Variants in LPP observed in about 807,000 individuals in gnomAD.
LPP encodes the protein lipoma-preferred partner.
In LPP, 38 loss-of-function variants were observed where a neutral mutation model predicts 60.4. That is an observed-to-expected ratio of 0.63 (90% confidence interval 0.49 to 0.83). The LOEUF (loss-of-function observed/expected upper bound fraction) is 0.83. Ranked by LOEUF, LPP falls within the 40% of genes least tolerant of loss-of-function variation. The pLI, the probability that LPP is intolerant of heterozygous loss-of-function variation, is 0.00. For synonymous variants in LPP, 328 were observed against 290.8 expected (o/e 1.13, Z -1.30); for missense variants, 902 against 783.6 (o/e 1.15, Z -1.80).
At chr3:188,470,035 T>G (rs1482685816) in intron 4 of LPP, among the ~76,000 whole-genome samples, 1 of 152,136 alleles carries the variant, frequency 6.6e-6, no homozygotes, top group Non-Finnish European at 1.5e-5. Flanking sequence ...GTAAGTGCTG[T>G]TGCTCTCATT....
intron 4 of LPP, among the ~76,000 whole-genome samples, chr3:188,426,578 T>C (rs971250157): frequency 2.6e-5 from 4 of 152,176 alleles, no homozygotes; most frequent in African/African-American, 9.7e-5. Context: ...TATTATTATG[T>C]AGGAGTCTTA....
intron 1 of LPP, among the ~76,000 whole-genome samples, chr3:188,172,357 CTCA>C (rs1721825349): frequency 6.6e-6 from 1 of 152,112 alleles, no homozygotes; most frequent in African/African-American, 2.4e-5. Context: ...CCTCTGTTGC[CTCA>C]TCCATAAAAT....
At chr3:188,859,136 T>G (rs1325670014) in intron 9 of LPP, among the ~76,000 whole-genome samples, 1 of 150,572 alleles carries the variant, frequency 6.6e-6, no homozygotes, top group African/African-American at 2.4e-5. Flanking sequence ...TCTGGCAATA[T>G]TGAGTTCCCC....
At position 188,638,315 on chromosome 3, in the gene LPP, C is replaced by A. The variant is rs1271834055; in HGVS notation, c.1113+28471C>A. On this transcript the variant is annotated intron_variant, in intron 7 of 11. Transcript: ENST00000617246. ...AAAGGCCTTTGACAAAATTCAACAG[C>A]CCTTCATGCTAAAAACTCTCAATAA... Among the ~76,000 whole-genome samples, 228 of 145,952 alleles carry A rather than the reference C, an allele frequency of 1.6e-3. 1 individual carries two copies. Among genetic ancestry groups the A allele is most frequent in the Middle Eastern group, 3.7e-3 (1 of 268 alleles).
At chr3:188,195,781 C>T (rs1022577076) in intron 1 of LPP, among the ~76,000 whole-genome samples, 2 of 152,108 alleles carry the variant, frequency 1.3e-5, no homozygotes, top group Non-Finnish European at 2.9e-5. Flanking sequence ...CCTATGATTT[C>T]CTGCTTTTTA....
rs1320142368 is a variant in LPP at position 188,466,804 on chromosome 3, AACATATATATATATATATAT to A, written c.194-17786_194-17767del. Among the ~76,000 whole-genome samples, 261 of 72,952 alleles carry A rather than the reference AACATATATATATATATATAT, an allele frequency of 3.6e-3. 17 individuals are homozygous for A. Among genetic ancestry groups the A allele is most frequent in the African/African-American group, 0.011 (232 of 20,758 alleles). The allele number at this position is 72,952 out of a possible 152,430, so 47.9% of individuals were successfully genotyped here. On this transcript the variant is annotated intron_variant, in intron 4 of 11. Coordinates refer to ENST00000617246, the MANE Select transcript of LPP (RefSeq NM_001375462.1). ...AAAAAAGTGGTTTCTGTCATCTCAG[AACATATATATATATATATAT>A]ATATATATATATATATATGCTGTGT...
intron 4 of LPP, chr3:188,472,917 G>T: frequency 6.6e-6 from 1 of 152,270 alleles, no homozygotes; most frequent in Non-Finnish European, 1.5e-5. Context: ...AGAAGTCTCA[G>T]TTTCTCACAC....
Position 188,890,123 on chromosome 3 carries a change from G to A in LPP, c.*15644G>A, listed in dbSNP as rs188490851. The A allele has an allele frequency of 3.8e-4, 82 of 216,192 alleles. No homozygotes were observed. The East Asian group carries it at 4.2e-3, about 11-fold the overall frequency. The allele number at this position is 216,192 out of a possible 1,614,324, so 13.4% of individuals were successfully genotyped here. A position where few individuals can be genotyped will look rare whatever the true frequency, so the allele number is the denominator to read the frequency against. On this transcript the variant is annotated 3_prime_UTR_variant, in exon 12 of 12. Transcript: ENST00000617246. ...GTGTTTACAAGTGGATAGATAAGGC[G>A]GAGATGGTGAGAAGCCGGGTTTTCT...
intron 3 of LPP, among the ~76,000 whole-genome samples, chr3:188,380,971 A>G (rs1776724212): frequency 1.3e-5 from 2 of 152,224 alleles, no homozygotes; most frequent in Non-Finnish European, 2.9e-5. Flanking sequence ...CAGAACCTAG[A>G]TTCAGACCCT....
At chr3:188,501,450 T>C (rs922245426) in intron 5 of LPP, among the ~76,000 whole-genome samples, 2 of 151,990 alleles carry the variant, frequency 1.3e-5, no homozygotes, top group Non-Finnish European at 2.9e-5. Flanking sequence ...CCATCTCTAC[T>C]AAAAATTACA....
intron 2 of LPP, among the ~76,000 whole-genome samples, chr3:188,294,516 T>C (rs1309272370): frequency 1.3e-5 from 2 of 152,208 alleles, no homozygotes; most frequent in African/African-American, 2.4e-5. Flanking sequence ...GAAAAAGTGG[T>C]AACACAACTA....
intron 5 of LPP, among the ~76,000 whole-genome samples, chr3:188,515,096 G>A (rs1215683817): frequency 6.6e-6 from 1 of 152,174 alleles, no homozygotes; most frequent in East Asian, 1.9e-4. Flanking sequence ...GTTTGATACG[G>A]CTTGGATGCT....
intron 3 of LPP, among the ~76,000 whole-genome samples, chr3:188,385,374 G>T (rs1159471408): frequency 6.6e-6 from 1 of 152,136 alleles, no homozygotes; most frequent in Non-Finnish European, 1.5e-5. Context: ...GGGTTCATTT[G>T]TTCCTTCCTC....
intron 2 of LPP, among the ~76,000 whole-genome samples, chr3:188,340,439 G>T (rs1304856290): frequency 6.7e-6 from 1 of 148,988 alleles, no homozygotes; most frequent in East Asian, 2.0e-4. Context: ...TTAAGTTCAG[G>T]GGTATAGTTG....
chr3:188,754,786 T>C (rs75523621), intron 8 of LPP, among the ~76,000 whole-genome samples: 3,444 of 152,224 alleles, frequency 0.023, 115 homozygotes, highest in African/African-American at 0.078. Flanking sequence ...ACAGAGTCCA[T>C]GAAATAAAAG....
At position 188,658,413 on chromosome 3, in the gene LPP, G is replaced by T. The variant is rs986905607; in HGVS notation, c.1113+48569G>T. ...TGCCTGCCTTGGCCTCCTAACTGAA[G>T]TTATTTTTTAAATTAAACTAATACA... On this transcript the variant is annotated intron_variant, in intron 7 of 11. Transcript: ENST00000617246. 1.0e-3 allele frequency among the ~76,000 whole-genome samples: 5 copies of T among 4,956 alleles called. No homozygotes were observed. In the Non-Finnish European group the frequency reaches 0.01, roughly 10 times the overall value. 3.3% of individuals were successfully genotyped at this position (4,956 alleles called of 152,430 possible).
intron 2 of LPP, among the ~76,000 whole-genome samples, chr3:188,290,776 C>T (rs993724263): frequency 1.3e-5 from 2 of 152,206 alleles, no homozygotes; most frequent in Non-Finnish European, 2.9e-5. Context: ...CCTTGATAAG[C>T]TGCCCTAGTG....
intron 2 of LPP, among the ~76,000 whole-genome samples, chr3:188,245,131 G>T (rs1353451977): frequency 6.6e-6 from 1 of 151,256 alleles, no homozygotes; most frequent in Non-Finnish European, 1.5e-5. Flanking sequence ...TTTTTCTTTT[G>T]AAACAGAGTC....
At chr3:188,541,939 G>T (rs114466290) in intron 6 of LPP, among the ~76,000 whole-genome samples, 3,568 of 152,098 alleles carry the variant, frequency 0.023, 142 homozygotes, top group African/African-American at 0.082. Context: ...AAATTGTATA[G>T]ATTTATGGTG....
Sources: gnomAD v4.1 joint callset for allele counts (sites outside exome capture counted in the v4.1 genomes callset) on GRCh38, gnomAD v4.1.1 for gene constraint, MANE v1.5 for transcripts, NCBI Gene and HGNC (gene_info 2026-07-23, HGNC 2026-07-21) for gene names.